Variants in TEX264 observed in about 807,000 individuals in gnomAD.
The protein encoded by TEX264 is testis-expressed protein 264.
Under a neutral mutation model 23.4 loss-of-function variants are expected in TEX264, and 13 were observed. That is an observed-to-expected ratio of 0.56 (90% CI 0.36 to 0.88). TEX264 has a LOEUF of 0.88. Among genes scored for constraint, TEX264 ranks in the 40% least tolerant of loss-of-function variants. The pLI is 0.01. For synonymous variants in TEX264, 159 were observed against 170.0 expected (o/e 0.94, Z 0.50); for missense variants, 340 against 406.8 (o/e 0.84, Z 1.41).
In TEX264 at chr3:51,699,549, C is replaced by T. The variant is rs867158699; in HGVS notation, c.624C>T (p.Ala208=). The T allele has an allele frequency of 6.2e-7, 1 of 1,614,008 alleles. No individual in the cohort carries two copies. Among genetic ancestry groups the T allele is most frequent in the Non-Finnish European group, 8.5e-7 (1 of 1,179,916 alleles). Residue 208 remains alanine (A), a synonymous_variant, in exon 4 of 5, where the codon GCC becomes GCT. Coordinates refer to ENST00000341333, the MANE Select transcript of TEX264 (RefSeq NM_015926.6). ...TEWKWRGLVE[A]IDTQVDGTGA... ...GGAAATGGCGGGGGCTTGTGGAGGCCATTGACACCCAGGTGGATGGCACAG... is the reference window on the plus strand; with the variant it reads ...GGAAATGGCGGGGGCTTGTGGAGGCTATTGACACCCAGGTGGATGGCACAG...
In TEX264 at chr3:51,703,932, G is replaced by T. The variant is rs1057076234; in HGVS notation, c.858G>T (p.Glu286Asp). The change falls in exon 5 of 5, where the codon GAG becomes GAT. Residue 286 changes from glutamate (E) to aspartate (D), a missense_variant. Coordinates refer to ENST00000341333, the MANE Select transcript of TEX264 (RefSeq NM_015926.6). This position sits in a 1 kb window ranked among gnomAD's most constrained non-coding sequence, Gnocchi z 4.8. ...TGGAGGGCGAGGGGCCCTTAGGGGA[G>T]TCACGGCTGGACCCTGGGACTGAGC... ...LDLEGEGPLGESRLDPGTEPL... is the reference protein window; with the variant it reads ...LDLEGEGPLGDSRLDPGTEPL... The T allele has an allele frequency of 1.0e-5, 16 of 1,603,986 alleles. No homozygotes were observed. The highest frequency in any genetic ancestry group is 1.3e-5 in the African/African-American group (1 of 74,750).
At chr3:51,699,050 G>T (rs1029033474) in intron 3 of TEX264, among the ~76,000 whole-genome samples, 7 of 152,150 alleles carry the variant, frequency 4.6e-5, no homozygotes, top group Admixed American at 1.3e-4. Flanking sequence ...CTATCCTGGG[G>T]TGGTCCAGGG....
intron 2 of TEX264, among the ~76,000 whole-genome samples, chr3:51,678,968 T>A (rs775295981): frequency 1.4e-4 from 22 of 152,166 alleles, no homozygotes; most frequent in Admixed American, 2.6e-4. Flanking sequence ...ACTCCATGGT[T>A]ATTTTCTGCC....
In TEX264 at chr3:51,671,271, C is replaced by T. The variant is rs918079614; in HGVS notation, c.-52C>T. The T allele has an allele frequency of 4.6e-5, 7 of 152,166 alleles. No individual in the cohort carries two copies. The highest frequency in any genetic ancestry group is 8.8e-5 in the Non-Finnish European group (6 of 68,032). 9.4% of individuals were successfully genotyped at this position (152,166 alleles called of 1,614,324 possible). On this transcript the variant is annotated 5_prime_UTR_variant, in exon 1 of 5. Transcript: ENST00000341333. The stretch of plus-strand genomic sequence containing the variant: ...AGCCGCCTGCGCGGATCGGCGTCCG[C>T]AGCGGGCGGCTGCTGAGGTGAGGGC...
chr3:51,698,770 T>C (rs1703166426), intron 3 of TEX264, among the ~76,000 whole-genome samples: 1 of 152,198 alleles, frequency 6.6e-6, no homozygotes, highest in Non-Finnish European at 1.5e-5. Context: ...ATGGGAACCA[T>C]ACCTGATAGT....
In TEX264 at chr3:51,703,683, G is replaced by C. The variant is rs777926507; in HGVS notation, c.650-41G>C. The C allele has an allele frequency of 1.0e-5, 16 of 1,537,196 alleles. No individual in the cohort carries two copies. Among genetic ancestry groups the C allele is most frequent in the Non-Finnish European group, 1.4e-5 (16 of 1,135,348 alleles). Reference sequence around the variant, plus strand: ...TGCCTCTCCCTGGAGGAGGGGGTGGGGTGGTCCTAGCTAACCTGTGCTCCC... The same window carrying C: ...TGCCTCTCCCTGGAGGAGGGGGTGGCGTGGTCCTAGCTAACCTGTGCTCCC... On this transcript the variant is annotated intron_variant, in intron 4 of 4. Coordinates refer to ENST00000341333, the MANE Select transcript of TEX264 (RefSeq NM_015926.6). This position sits in a 1 kb window ranked among gnomAD's most constrained non-coding sequence, Gnocchi z 4.8.
At chr3:51,673,308 A>G (rs1419739092) in intron 1 of TEX264, among the ~76,000 whole-genome samples, 1 of 152,130 alleles carries the variant, frequency 6.6e-6, no homozygotes, top group African/African-American at 2.4e-5. Context: ...CAGGCAACTC[A>G]GGTCAAGCCC....
At chr3:51,683,595 G>A (rs1049994872) in intron 2 of TEX264, 4 of 152,262 alleles carry the variant, frequency 2.6e-5, no homozygotes, top group Non-Finnish European at 5.9e-5. Flanking sequence ...ATAGGTCCCT[G>A]GATGGGCCAT....
At chr3:51,694,940 C>T (rs1329726688) in intron 3 of TEX264, among the ~76,000 whole-genome samples, 3 of 152,208 alleles carry the variant, frequency 2.0e-5, no homozygotes, top group African/African-American at 7.2e-5. Context: ...AGAATAATAA[C>T]GTGCTACCTT....
chr3:51,690,368 C>T (rs1394999475), intron 3 of TEX264, among the ~76,000 whole-genome samples: 2 of 152,138 alleles, frequency 1.3e-5, no homozygotes, highest in African/African-American at 4.8e-5. Context: ...CCCATCTTTA[C>T]TAAAAGTACA....
intron 3 of TEX264, among the ~76,000 whole-genome samples, chr3:51,697,485 A>G (rs55738110): frequency 6.6e-6 from 1 of 152,262 alleles, no homozygotes; most frequent in Non-Finnish European, 1.5e-5. Flanking sequence ...TGTGATGGCC[A>G]CTCAGCTACT....
At chr3:51,688,677 C>A (rs1007060727) in intron 3 of TEX264, among the ~76,000 whole-genome samples, 15 of 152,072 alleles carry the variant, frequency 9.9e-5, no homozygotes, top group African/African-American at 3.6e-4. Flanking sequence ...GTGCAGGTGG[C>A]CCTGGAGGTC....
intron 3 of TEX264, 108 bp downstream of exon 3, chr3:51,684,742 A>T: frequency 9.2e-7 from 1 of 1,081,878 alleles, no homozygotes; most frequent in South Asian, 1.5e-5. Flanking sequence ...GGAGAGCAGC[A>T]CCCTGGGGCC....
At chr3:51,678,404 G>C (rs923500024) in intron 2 of TEX264, among the ~76,000 whole-genome samples, 5 of 152,196 alleles carry the variant, frequency 3.3e-5, no homozygotes, top group Non-Finnish European at 7.3e-5. Flanking sequence ...GCCCCACCCT[G>C]TGCCACCATC....
At chr3:51,677,372 GCCT>G (rs948248080) in intron 2 of TEX264, among the ~76,000 whole-genome samples, 11 of 152,126 alleles carry the variant, frequency 7.2e-5, no homozygotes, top group Non-Finnish European at 1.3e-4. Flanking sequence ...CCCCTAGGCT[GCCT>G]CCACCAGCAG....
chr3:51,695,407 C>T (rs1263837141), intron 3 of TEX264, among the ~76,000 whole-genome samples: 2 of 152,372 alleles, frequency 1.3e-5, no homozygotes, highest in East Asian at 3.9e-4. Context: ...TGGGACCCAT[C>T]ATCAGCCTTC....
chr3:51,694,887 G>A (rs1176617813), intron 3 of TEX264, among the ~76,000 whole-genome samples: 1 of 152,244 alleles, frequency 6.6e-6, no homozygotes, highest in Non-Finnish European at 1.5e-5. Context: ...TGGGCCAGAA[G>A]CTTTGGGGCA....
intron 4 of TEX264, among the ~76,000 whole-genome samples, chr3:51,701,107 G>A (rs979142938): frequency 5.3e-5 from 8 of 152,184 alleles, no homozygotes; most frequent in Non-Finnish European, 1.0e-4. Context: ...ATGAATATTT[G>A]ATCGTCTTGC....
intron 2 of TEX264, chr3:51,683,113 C>CT (rs928535595): frequency 1.3e-5 from 2 of 154,064 alleles, no homozygotes; most frequent in African/African-American, 4.8e-5. Flanking sequence ...CCTGTTTAAA[C>CT]TTAGGGGTCA....
Sources: allele counts gnomAD v4.1 joint callset (sites outside exome capture counted in the v4.1 genomes callset), GRCh38; gene constraint gnomAD v4.1.1; non-coding constraint Gnocchi (gnomAD v3.1); transcripts MANE v1.5; gene names NCBI Gene and HGNC (gene_info 2026-07-23, HGNC 2026-07-21).